The following KPNA1 variants were observed in gnomAD, a reference collection of about 807,000 sequenced individuals.
KPNA1 encodes karyopherin subunit alpha 1.
A neutral mutation model predicts 70.5 loss-of-function variants in KPNA1; 10 were observed. The observed-to-expected ratio is 0.14, with a 90% confidence interval of 0.09 to 0.24. The LOEUF (loss-of-function observed/expected upper bound fraction) is 0.24. KPNA1 is among the 10% of genes least tolerant of loss of function. The probability of loss-of-function intolerance (pLI) is 1.00; values close to 1 mark genes in which losing one functional copy is unlikely to be tolerated. For missense variants in KPNA1, 397 were observed against 637.9 expected (o/e 0.62, Z 4.07); for synonymous variants, 192 against 221.9 (o/e 0.87, Z 1.20).
In KPNA1 at chr3:122,424,642, T is replaced by G. The variant is rs2075798765; in HGVS notation, c.*2343A>C. 1 of 152,676 alleles carries G rather than the reference T, an allele frequency of 6.5e-6. No homozygotes were observed. The highest frequency in any genetic ancestry group is 1.5e-5 in the Non-Finnish European group (1 of 68,050). The allele number at this position is 152,676 out of a possible 1,614,324, so 9.5% of individuals were successfully genotyped here. ...ACTACTAGCAAAAATTCCGAATGTC[T>G]GAATGCACACTACTCTTCCTAATGT... On this transcript the variant is annotated 3_prime_UTR_variant, in exon 14 of 14. Transcript: ENST00000344337.
chr3:122,444,992 T>C (rs1165104902), intron 9 of KPNA1, among the ~76,000 whole-genome samples: 1 of 152,132 alleles, frequency 6.6e-6, no homozygotes, highest in Admixed American at 6.5e-5. Context: ...AGAGCGCCTG[T>C]TTTCCTCCAA....
intron 1 of KPNA1, among the ~76,000 whole-genome samples, chr3:122,513,830 T>C (rs2076983304): frequency 6.6e-6 from 1 of 152,206 alleles, no homozygotes; most frequent in Non-Finnish European, 1.5e-5. Flanking sequence ...CTTGGGAAGC[T>C]GAGGCAAGAG....
At chr3:122,470,444 G>A (rs932165465) in intron 2 of KPNA1, among the ~76,000 whole-genome samples, 4 of 151,860 alleles carry the variant, frequency 2.6e-5, no homozygotes, top group African/African-American at 9.7e-5. Context: ...CCCGGGGGGT[G>A]GAGCTTGCAG....
At chr3:122,475,117 C>T (rs983742779) in intron 2 of KPNA1, among the ~76,000 whole-genome samples, 3 of 152,034 alleles carry the variant, frequency 2.0e-5, no homozygotes, top group Admixed American at 2.0e-4. Flanking sequence ...CTGAAGACTC[C>T]GCCAATAAAC....
At position 122,460,295 on chromosome 3, in the gene KPNA1, T is replaced by C. The variant is rs143555076; in HGVS notation, c.432+929A>G. On this transcript the variant is annotated intron_variant, in intron 5 of 13. Coordinates refer to ENST00000344337, the MANE Select transcript of KPNA1 (RefSeq NM_002264.4). ...GGGGAAAAAAAATAGTAGTTTAGAA[T>C]TTCTAGGATGAGAGTCAGCTGACTG... 99 of 985,084 alleles carry C rather than the reference T, an allele frequency of 1.0e-4. No homozygotes were observed. The African/African-American group carries it at 1.6e-3, about 16-fold the overall frequency. 61.0% of individuals were successfully genotyped at this position (985,084 alleles called of 1,614,324 possible).
chr3:122,467,692 A>T (rs1023257125), intron 2 of KPNA1, among the ~76,000 whole-genome samples: 4 of 145,416 alleles, frequency 2.8e-5, no homozygotes, highest in Non-Finnish European at 4.6e-5. Flanking sequence ...ATATGACATT[A>T]AAAAAAAAAA....
At chr3:122,457,176 G>A (rs1412077421) in intron 5 of KPNA1, among the ~76,000 whole-genome samples, 2 of 152,100 alleles carry the variant, frequency 1.3e-5, no homozygotes. Context: ...ATCATAGTCT[G>A]TACTTTAAAG....
At position 122,459,687 on chromosome 3, in the gene KPNA1, A is replaced by T. The variant is rs577868661; in HGVS notation, c.432+1537T>A. The T allele has an allele frequency of 2.4e-5, 24 of 985,510 alleles. No individual in the cohort carries two copies. The African/African-American group carries it at 3.8e-4, about 16-fold the overall frequency. 61.0% of individuals were successfully genotyped at this position (985,510 alleles called of 1,614,324 possible). A position where few individuals can be genotyped will look rare whatever the true frequency, so the allele number is the denominator to read the frequency against. ...AATTACAATCCAGGAGGCAGCTAGC[A>T]AAACAGAACCTTAATTCAAATGAGC... On this transcript the variant is annotated intron_variant, in intron 5 of 13. Coordinates refer to ENST00000344337, the MANE Select transcript of KPNA1 (RefSeq NM_002264.4).
chr3:122,473,907 T>C (rs1012591642), intron 2 of KPNA1, among the ~76,000 whole-genome samples: 3 of 151,852 alleles, frequency 2.0e-5, no homozygotes, highest in African/African-American at 7.3e-5. Context: ...ACAGAAGAAA[T>C]AAAACCATCT....
At chr3:122,488,633 TTC>T (rs1254546296) in intron 2 of KPNA1, among the ~76,000 whole-genome samples, 1 of 152,256 alleles carries the variant, frequency 6.6e-6, no homozygotes, top group Non-Finnish European at 1.5e-5. Context: ...ATTATTTTAC[TTC>T]TGTCTCAGTG....
chr3:122,450,639 T>A (rs932799513), intron 8 of KPNA1, among the ~76,000 whole-genome samples: 1 of 152,088 alleles, frequency 6.6e-6, no homozygotes, highest in Admixed American at 6.6e-5. Context: ...AAGGGAACAC[T>A]TTTACACTGT....
chr3:122,426,081 T>G lies in KPNA1; in HGVS notation c.*904A>C, dbSNP rs578221333. 3 of 152,394 alleles carry G rather than the reference T, an allele frequency of 2.0e-5. No individual in the cohort carries two copies. The highest frequency in any genetic ancestry group is 4.1e-4 in the South Asian group (2 of 4,828). 9.4% of individuals were successfully genotyped at this position (152,394 alleles called of 1,614,324 possible). ...CAGCCCCTAGTTACACTGATTGCAT[T>G]TGGGAAAATTGGAGGGTTTTTTCGT... On this transcript the variant is annotated 3_prime_UTR_variant, in exon 14 of 14. Transcript: ENST00000344337.
At chr3:122,484,169 CTT>C (rs1173080589) in intron 2 of KPNA1, among the ~76,000 whole-genome samples, 1 of 152,118 alleles carries the variant, frequency 6.6e-6, no homozygotes, top group Non-Finnish European at 1.5e-5. Flanking sequence ...TATGCAGTAA[CTT>C]AACATTTTAA....
At chr3:122,496,343 C>CACACACACACAA (rs1391023910) in intron 2 of KPNA1, 94 bp downstream of exon 2, 1 of 1,152,332 alleles carries the variant, frequency 8.7e-7, no homozygotes, top group African/African-American at 1.5e-5. Flanking sequence ...CACACACACA[C>CACACACACACAA]ACACACCCCA....
chr3:122,469,848 G>A (rs372280879), intron 2 of KPNA1, among the ~76,000 whole-genome samples: 14 of 152,170 alleles, frequency 9.2e-5, no homozygotes, highest in African/African-American at 3.4e-4. Flanking sequence ...CATGCCAGAA[G>A]AAAGTGAAGT....
chr3:122,443,840 T>C (rs1246644035), intron 9 of KPNA1, among the ~76,000 whole-genome samples: 1 of 151,886 alleles, frequency 6.6e-6, no homozygotes, highest in Non-Finnish European at 1.5e-5. Context: ...AAGGCCAGGG[T>C]GAGATTAGAA....
At chr3:122,439,988 T>G (rs1233629774) in intron 10 of KPNA1, among the ~76,000 whole-genome samples, 2 of 152,156 alleles carry the variant, frequency 1.3e-5, no homozygotes, top group Admixed American at 6.5e-5. Flanking sequence ...ACGTGAGATA[T>G]GCAAGCAGAA....
intron 10 of KPNA1, among the ~76,000 whole-genome samples, chr3:122,437,555 C>G (rs2076005308): frequency 6.6e-6 from 1 of 152,158 alleles, no homozygotes; most frequent in South Asian, 2.1e-4. Context: ...ATTACAAAAG[C>G]ATTACTCATT....
intron 2 of KPNA1, among the ~76,000 whole-genome samples, chr3:122,491,901 G>A (rs947681740): frequency 9.1e-6 from 1 of 109,648 alleles, no homozygotes; most frequent in African/African-American, 3.6e-5. Context: ...TCGCTCTGTC[G>A]CCCAGGCTGG....
Sources: allele counts gnomAD v4.1 joint callset (sites outside exome capture counted in the v4.1 genomes callset), GRCh38; gene constraint gnomAD v4.1.1; transcripts MANE v1.5; gene names NCBI Gene and HGNC (gene_info 2026-07-23, HGNC 2026-07-21).